Variants in ERBB4 observed in about 807,000 individuals in gnomAD.
ERBB4 encodes erb-b2 receptor tyrosine kinase 4.
In ERBB4, 42 loss-of-function variants were observed where a neutral mutation model predicts 158.0. The ratio of observed to expected loss-of-function variants is 0.27; its 90% CI spans 0.21 to 0.34. The LOEUF (loss-of-function observed/expected upper bound fraction) is 0.34. Ranked by LOEUF, ERBB4 falls within the 10% of genes least tolerant of loss-of-function variation. The pLI, the probability that ERBB4 is intolerant of heterozygous loss-of-function variation, is 1.00. For missense variants in ERBB4, 1,333 were observed against 1,624.1 expected (o/e 0.82, Z 3.08); for synonymous variants, 583 against 558.7 (o/e 1.04, Z -0.61).
rs537618571 is a variant in ERBB4, at chr2:211,994,271, C to A, written c.235-46655G>T. ...TCATTCTCCTGAGTACCTAGGATGA[C>A]AGACACATGCCACCACACTCAGCTA... is the stretch of plus-strand genomic sequence containing the variant. On this transcript the variant is annotated intron_variant, in intron 2 of 27. Coordinates refer to ENST00000342788, the MANE Select transcript of ERBB4 (RefSeq NM_005235.3). Among the ~76,000 whole-genome samples the A allele has an allele frequency of 4.6e-5, 7 of 151,928 alleles. No homozygotes were observed. The South Asian group carries it at 1.5e-3, about 32-fold the overall frequency.
At chr2:211,988,018 A>G (rs989578572) in intron 2 of ERBB4, among the ~76,000 whole-genome samples, 2 of 152,170 alleles carry the variant, frequency 1.3e-5, no homozygotes, top group Admixed American at 1.3e-4. Context: ...AACTTTTAAA[A>G]TGTACTTGTT....
chr2:211,683,739 A>G (rs1188736696), intron 12 of ERBB4, among the ~76,000 whole-genome samples: 1 of 107,158 alleles, frequency 9.3e-6, no homozygotes, highest in Non-Finnish European at 1.9e-5. Flanking sequence ...CACTTTAGTC[A>G]GGGTTTTTTT....
intron 17 of ERBB4, 90 bp from the exon 18 acceptor site, chr2:211,624,134 T>A: frequency 6.8e-7 from 1 of 1,465,020 alleles, no homozygotes; most frequent in Admixed American, 2.1e-5. Context: ...TTTGGTTCTC[T>A]TTCTTACAAA....
At chr2:212,089,481 A>G (rs1218131208) in intron 2 of ERBB4, among the ~76,000 whole-genome samples, 1 of 152,200 alleles carries the variant, frequency 6.6e-6, no homozygotes, top group African/African-American at 2.4e-5. Flanking sequence ...TGTGGGAGGT[A>G]ACTGGGTCAT....
At chr2:211,625,338 A>C (rs1303305138) in intron 17 of ERBB4, among the ~76,000 whole-genome samples, 1 of 152,170 alleles carries the variant, frequency 6.6e-6, no homozygotes, top group Non-Finnish European at 1.5e-5. Flanking sequence ...AGCTAAGTGC[A>C]CTGTGGCCCT....
intron 1 of ERBB4, among the ~76,000 whole-genome samples, chr2:212,464,641 A>G (rs1688738328): frequency 6.6e-6 from 1 of 152,090 alleles, no homozygotes; most frequent in Admixed American, 6.6e-5. Context: ...TCAATTTGAC[A>G]TAGCTAGAAG....
At chr2:212,003,211 A>C (rs868512531) in intron 2 of ERBB4, among the ~76,000 whole-genome samples, 771 of 55,692 alleles carry the variant, frequency 0.014, 34 homozygotes, top group African/African-American at 0.027. Context: ...GAAAGACAGA[A>C]AGAAGGAAGG....
chr2:212,175,148 T>G (rs879713862), intron 1 of ERBB4, among the ~76,000 whole-genome samples: 1 of 152,066 alleles, frequency 6.6e-6, no homozygotes, highest in Non-Finnish European at 1.5e-5. Context: ...AGAGACAGAA[T>G]TACTATTTTC....
At chr2:211,606,753 A>C (rs1447825785) in intron 19 of ERBB4, among the ~76,000 whole-genome samples, 1 of 152,204 alleles carries the variant, frequency 6.6e-6, no homozygotes, top group Non-Finnish European at 1.5e-5. Context: ...GCCGTTCTGC[A>C]AAAGAATAAA....
intron 3 of ERBB4, among the ~76,000 whole-genome samples, chr2:211,845,194 G>T (rs992848994): frequency 6.6e-6 from 1 of 152,058 alleles, no homozygotes; most frequent in African/African-American, 2.4e-5. Flanking sequence ...TGAATACTGA[G>T]CAATTGTCCT....
chr2:212,363,238 T>A (rs1199620782), intron 1 of ERBB4, among the ~76,000 whole-genome samples: 1 of 151,454 alleles, frequency 6.6e-6, no homozygotes, highest in African/African-American at 2.4e-5. Context: ...TTGCAAAATA[T>A]ACAATATAAA....
At chr2:211,529,800 T>C (rs1407094655) in intron 20 of ERBB4, among the ~76,000 whole-genome samples, 2 of 152,090 alleles carry the variant, frequency 1.3e-5, no homozygotes, top group Non-Finnish European at 2.9e-5. Flanking sequence ...TTCAAAATCC[T>C]TTCACGAATA....
At chr2:211,964,445 T>A (rs1312562877) in intron 2 of ERBB4, among the ~76,000 whole-genome samples, 4 of 152,188 alleles carry the variant, frequency 2.6e-5, no homozygotes, top group African/African-American at 4.8e-5. Context: ...TATTGTGGTT[T>A]TAAGTTCATG....
At chr2:211,457,116 T>G (rs1373031384) in intron 20 of ERBB4, among the ~76,000 whole-genome samples, 1 of 152,202 alleles carries the variant, frequency 6.6e-6, no homozygotes, top group African/African-American at 2.4e-5. Context: ...GAGTTTAAGA[T>G]TCTTAATTAA....
chr2:211,939,202 T>C (rs904053037), intron 3 of ERBB4, among the ~76,000 whole-genome samples: 3 of 152,250 alleles, frequency 2.0e-5, no homozygotes, highest in East Asian at 1.9e-4. Flanking sequence ...TCACTGACAA[T>C]AGTTTTGCCT....
chr2:212,140,977 A>T (rs1167651214), intron 1 of ERBB4, among the ~76,000 whole-genome samples: 1 of 151,362 alleles, frequency 6.6e-6, no homozygotes, highest in East Asian at 1.9e-4. Flanking sequence ...AAAATTGTAT[A>T]ATATTGTTTC....
intron 3 of ERBB4, among the ~76,000 whole-genome samples, chr2:211,807,725 AGTTTACACTCCCACCAATGGT>A (rs1162995676): frequency 6.6e-6 from 1 of 152,014 alleles, no homozygotes; most frequent in East Asian, 1.9e-4. Context: ...TGGTTGAACT[AGTTTACACTCCCACCAATGGT>A]GTGAAAGAGT....
intron 2 of ERBB4, among the ~76,000 whole-genome samples, chr2:212,106,855 C>G (rs2079244126): frequency 6.6e-6 from 1 of 152,218 alleles, no homozygotes; most frequent in African/African-American, 2.4e-5. Context: ...AGGGTGCAAG[C>G]CCCAAGCCTT....
chr2:212,041,135 C>CA lies in ERBB4; in HGVS notation c.234+83616dup, dbSNP rs544351931. Among the ~76,000 whole-genome samples the CA allele has an allele frequency of 3.4e-3, 520 of 151,298 alleles. 3 individuals are homozygous for CA. Among genetic ancestry groups the CA allele is most frequent in the African/African-American group, 0.012 (483 of 41,280 alleles). On this transcript the variant is annotated intron_variant, in intron 2 of 27. Transcript: ENST00000342788. ...TGTAAAACTGATCAATAACAAAAAA[C>CA]AAAAAAAACAAAGAAAGTGGAAACT...
Sources: gnomAD v4.1 joint callset for allele counts (sites outside exome capture counted in the v4.1 genomes callset) on GRCh38, gnomAD v4.1.1 for gene constraint, MANE v1.5 for transcripts, NCBI Gene and HGNC (gene_info 2026-07-23, HGNC 2026-07-21) for gene names.